APP: variants seen among roughly 807,000 people sequenced by gnomAD.
APP encodes the protein amyloid-beta precursor protein.
In APP, 31 loss-of-function variants were observed where a neutral mutation model predicts 101.4. The ratio of observed to expected loss-of-function variants is 0.31; its 90% CI spans 0.23 to 0.41. The LOEUF (loss-of-function observed/expected upper bound fraction) is 0.41. APP is among the 10% of genes least tolerant of loss of function. The pLI, the probability that APP is intolerant of heterozygous loss-of-function variation, is 1.00. For synonymous variants in APP, 366 were observed against 364.4 expected, an observed-to-expected ratio of 1.00 and a Z score of -0.05; for missense variants, 839 against 1,003.7, an observed-to-expected ratio of 0.84 and a Z score of 2.22.
intron 14 of APP, among the ~76,000 whole-genome samples, chr21:25,908,692 TA>T (rs11452565): frequency 3.4e-4 from 50 of 145,560 alleles, no homozygotes; most frequent in Admixed American, 4.8e-4. Flanking sequence ...CTGGCTCCAT[TA>T]AAAAAAAAAA....
intron 7 of APP, 139 bp downstream of exon 7, chr21:25,999,876 T>C: frequency 2.0e-6 from 2 of 980,178 alleles, no homozygotes; most frequent in South Asian, 2.8e-5. Flanking sequence ...CTCTGAGCAA[T>C]TAGAGAAGTG....
intron 3 of APP, among the ~76,000 whole-genome samples, chr21:26,067,532 G>C (rs2046503766): frequency 6.6e-6 from 1 of 152,190 alleles, no homozygotes; most frequent in Admixed American, 6.5e-5. Context: ...TGAATACACT[G>C]AGACTGCAGT....
At chr21:25,915,212 G>A (rs907093860) in intron 13 of APP, among the ~76,000 whole-genome samples, 7 of 152,202 alleles carry the variant, frequency 4.6e-5, no homozygotes, top group Non-Finnish European at 8.8e-5. Flanking sequence ...AAAAGACCAT[G>A]CATACCCATT....
chr21:26,053,841 T>A (rs1214520477), intron 3 of APP, among the ~76,000 whole-genome samples: 6 of 152,212 alleles, frequency 3.9e-5, no homozygotes, highest in South Asian at 2.1e-4. Context: ...TATATATATG[T>A]TTACATAACA....
At chr21:25,946,580 C>A (rs1047971244) in intron 13 of APP, among the ~76,000 whole-genome samples, 1 of 152,160 alleles carries the variant, frequency 6.6e-6, no homozygotes, top group East Asian at 1.9e-4. Flanking sequence ...GCACGAGAAT[C>A]GCTTGAATCC....
intron 1 of APP, among the ~76,000 whole-genome samples, chr21:26,165,185 T>G (rs1352112813): frequency 6.6e-6 from 1 of 152,214 alleles, no homozygotes; most frequent in Non-Finnish European, 1.5e-5. Context: ...TGTCAATAAG[T>G]GAAACATCAT....
At chr21:26,003,440 A>G (rs371869961) in intron 6 of APP, among the ~76,000 whole-genome samples, 1 of 152,332 alleles carries the variant, frequency 6.6e-6, no homozygotes, top group East Asian at 1.9e-4. Flanking sequence ...CAAGAGTTTC[A>G]CTGCCTTGGT....
intron 1 of APP, among the ~76,000 whole-genome samples, chr21:26,141,317 T>A (rs2063040922): frequency 6.6e-6 from 1 of 152,216 alleles, no homozygotes; most frequent in African/African-American, 2.4e-5. Context: ...ACCCTGATGA[T>A]GTATTTTACA....
In APP at chr21:26,170,653, T is replaced by G; in HGVS notation, c.-33A>C. On this transcript the variant is annotated 5_prime_UTR_variant, in exon 1 of 18. Transcript: ENST00000346798. ...CTGCGCGGGGCACCGAGTGCGCTGC[T>G]GTGCGAGTGGGATCCGCCGCGTCCT... is the stretch of plus-strand genomic sequence containing the variant. 2 of 1,524,026 alleles carry G rather than the reference T, an allele frequency of 1.3e-6. No individual in the cohort carries two copies. Among genetic ancestry groups the G allele is most frequent in the Non-Finnish European group, 1.8e-6 (2 of 1,141,112 alleles). The allele number at this position is 1,524,026 out of a possible 1,614,324, so 94.4% of individuals were successfully genotyped here.
At chr21:26,136,282 A>C (rs2146292751) in intron 1 of APP, among the ~76,000 whole-genome samples, 1 of 152,194 alleles carries the variant, frequency 6.6e-6, no homozygotes, top group South Asian at 2.1e-4. Context: ...GCCTCTCTGA[A>C]AGAACCAACA....
intron 17 of APP, among the ~76,000 whole-genome samples, chr21:25,886,353 G>A (rs888351638): frequency 5.9e-5 from 9 of 151,824 alleles, no homozygotes; most frequent in Non-Finnish European, 8.8e-5. Context: ...CCAACATCAA[G>A]CAATTCTTCA....
intron 13 of APP, among the ~76,000 whole-genome samples, chr21:25,946,482 A>T (rs1189308200): frequency 6.6e-6 from 1 of 152,140 alleles, no homozygotes; most frequent in Non-Finnish European, 1.5e-5. Flanking sequence ...CCTGGGAAAC[A>T]TGGTAAAACC....
chr21:26,144,763 T>C (rs1366370918), intron 1 of APP, among the ~76,000 whole-genome samples: 2 of 152,322 alleles, frequency 1.3e-5, no homozygotes, highest in African/African-American at 2.4e-5. Flanking sequence ...ATTCCAAAGA[T>C]AGCATTAATG....
At chr21:26,153,333 A>C (rs456728) in intron 1 of APP, among the ~76,000 whole-genome samples, 20,275 of 152,186 alleles carry the variant, frequency 0.13, 2,159 homozygotes, top group African/African-American at 0.27. Flanking sequence ...CCTAAACTTC[A>C]GTTCCTATTG....
intron 5 of APP, among the ~76,000 whole-genome samples, chr21:26,041,198 T>C (rs919883471): frequency 6.6e-6 from 1 of 152,184 alleles, no homozygotes; most frequent in Non-Finnish European, 1.5e-5. Flanking sequence ...AAGCCAACAG[T>C]TTTTGGCTTG....
At chr21:26,071,000 G>A (rs1374812254) in intron 3 of APP, among the ~76,000 whole-genome samples, 1 of 152,088 alleles carries the variant, frequency 6.6e-6, no homozygotes, top group Non-Finnish European at 1.5e-5. Flanking sequence ...AAAAACGTCT[G>A]TTCCTTCCAG....
At chr21:26,054,787 A>G (rs1423154004) in intron 3 of APP, among the ~76,000 whole-genome samples, 1 of 152,132 alleles carries the variant, frequency 6.6e-6, no homozygotes, top group African/African-American at 2.4e-5. Context: ...CGGAGCAAGG[A>G]ATACAGATCG....
chr21:26,009,022 A>G (rs2043663900), intron 6 of APP, among the ~76,000 whole-genome samples: 1 of 152,206 alleles, frequency 6.6e-6, no homozygotes, highest in Non-Finnish European at 1.5e-5. Flanking sequence ...CAGACTCAAC[A>G]ACGATTGTTT....
At chr21:26,068,363 C>CT (rs56143516) in intron 3 of APP, 3,513 of 144,070 alleles carry the variant, frequency 0.024, 97 homozygotes, top group Admixed American at 0.056. Context: ...GCCACATTCT[C>CT]TTTTTTTTTT....
Sources: allele counts gnomAD v4.1 joint callset (sites outside exome capture counted in the v4.1 genomes callset), GRCh38; gene constraint gnomAD v4.1.1; transcripts MANE v1.5; gene names NCBI Gene and HGNC (gene_info 2026-07-23, HGNC 2026-07-21).